Variants in CDPF1 observed in about 807,000 individuals in gnomAD.
CDPF1 encodes the protein cysteine rich DPF motif domain containing 1.
Under a neutral mutation model 8.3 loss-of-function variants are expected in CDPF1, and 8 were observed. That is an observed-to-expected ratio of 0.96 (90% CI 0.57 to 1.74). The LOEUF is 1.74. CDPF1 is among the 40% of genes most tolerant of loss of function. The pLI, the probability that CDPF1 is intolerant of heterozygous loss-of-function variation, is 0.00. For missense variants in CDPF1, 151 were observed against 155.3 expected, an observed-to-expected ratio of 0.97 and a Z score of 0.15; for synonymous variants, 62 against 62.9, an observed-to-expected ratio of 0.99 and a Z score of 0.07.
Position 46,247,710 on chromosome 22 carries a change from A to C in CDPF1, c.113+462T>G, listed in dbSNP as rs1276938970. 6.6e-6 allele frequency among the ~76,000 whole-genome samples: 1 copy of C among 152,226 alleles called. No individual in the cohort carries two copies. Among genetic ancestry groups the C allele is most frequent in the Non-Finnish European group, 1.5e-5 (1 of 68,038 alleles). On this transcript the variant is annotated intron_variant, in intron 2 of 3. Coordinates refer to ENST00000314567, the MANE Select transcript of CDPF1 (RefSeq NM_207327.5). This position sits in a 1 kb window ranked among gnomAD's most constrained non-coding sequence, Gnocchi z 4.3. The stretch of plus-strand genomic sequence containing the variant: ...AGAGGGACGACAGCCAGAAGGAAAA[A>C]GCCATGCCCCTGCCACTGCATCCCA...
chr22:46,246,608 C>G lies in CDPF1; in HGVS notation c.225+502G>C. The G allele has an allele frequency of 1.3e-6, 2 of 1,523,454 alleles. No individual in the cohort carries two copies. Among genetic ancestry groups the G allele is most frequent in the Non-Finnish European group, 1.8e-6 (2 of 1,131,452 alleles). The allele number at this position is 1,523,454 out of a possible 1,614,324, so 94.4% of individuals were successfully genotyped here. On this transcript the variant is annotated intron_variant, in intron 3 of 3. Transcript: ENST00000314567. This position sits in a 1 kb window ranked among gnomAD's most constrained non-coding sequence, Gnocchi z 7.1. Reference sequence around the variant, plus strand: ...TACAGCTACCCAGGTGAACCTGGCCCACCCAGCCTCTCTGAAGCTCAGTTC... The same window carrying G: ...TACAGCTACCCAGGTGAACCTGGCCGACCCAGCCTCTCTGAAGCTCAGTTC...
rs1601847157 is a variant in CDPF1 at position 46,247,032 on chromosome 22, C to T, written c.225+78G>A. On this transcript the variant is annotated intron_variant, in intron 3 of 3. Coordinates refer to ENST00000314567, the MANE Select transcript of CDPF1 (RefSeq NM_207327.5). The surrounding 1 kb of genome is among the most constrained non-coding windows in gnomAD (Gnocchi z 4.3). ...GGGTGAACCCGCTGCTCCCTCTCTCCCAGCCCTCCCTACCCAGGGAGAGCT... is the reference window on the plus strand; with the variant it reads ...GGGTGAACCCGCTGCTCCCTCTCTCTCAGCCCTCCCTACCCAGGGAGAGCT... 5 of 1,355,194 alleles carry T rather than the reference C, an allele frequency of 3.7e-6. No individual in the cohort carries two copies. The highest frequency in any genetic ancestry group is 3.9e-5 in the Admixed American group (2 of 51,610). 83.9% of individuals were successfully genotyped at this position (1,355,194 alleles called of 1,614,324 possible).
Position 46,247,631 on chromosome 22 carries a change from C to T in CDPF1, c.114-410G>A, listed in dbSNP as rs1936511719. On this transcript the variant is annotated intron_variant, in intron 2 of 3. Coordinates refer to ENST00000314567, the MANE Select transcript of CDPF1 (RefSeq NM_207327.5). The surrounding 1 kb of genome is among the most constrained non-coding windows in gnomAD (Gnocchi z 4.3). ...CTGGAAGCCAGCTGGCCTCATGCTACACATCAGAATGAGACCCCAGGGTGA... is the reference window on the plus strand; with the variant it reads ...CTGGAAGCCAGCTGGCCTCATGCTATACATCAGAATGAGACCCCAGGGTGA... Among the ~76,000 whole-genome samples the T allele has an allele frequency of 6.6e-6, 1 of 152,180 alleles. No homozygotes were observed. The highest frequency in any genetic ancestry group is 2.1e-4 in the South Asian group (1 of 4,826).
rs55961300 is a variant in CDPF1 at position 46,245,622 on chromosome 22, G to A, written c.226-384C>T. ...ACAGTGGCCACCTGGTGCTGGGAGC[G>A]GCAGGGGACAGGAAGGACAGCCCCA... is the stretch of plus-strand genomic sequence containing the variant. On this transcript the variant is annotated intron_variant, in intron 3 of 3. Transcript: ENST00000314567. This position sits in a 1 kb window ranked among gnomAD's most constrained non-coding sequence, Gnocchi z 6.9. 0.088 allele frequency among the ~76,000 whole-genome samples: 13,395 copies of A among 152,254 alleles called. 886 individuals are homozygous for A. Among genetic ancestry groups the A allele is most frequent in the African/African-American group, 0.19 (7,844 of 41,524 alleles).
At position 46,245,764 on chromosome 22, in the gene CDPF1, C is replaced by T. The variant is rs1198836322; in HGVS notation, c.226-526G>A. Among the ~76,000 whole-genome samples the T allele has an allele frequency of 6.6e-6, 1 of 152,252 alleles. No homozygotes were observed. The highest frequency in any genetic ancestry group is 1.5e-5 in the Non-Finnish European group (1 of 68,042). ...AACTCCCGAGATTCATCACGGTGCACAGCACGTGGCTAAGGATGACATTCC... is the reference window on the plus strand; with the variant it reads ...AACTCCCGAGATTCATCACGGTGCATAGCACGTGGCTAAGGATGACATTCC... On this transcript the variant is annotated intron_variant, in intron 3 of 3. Coordinates refer to ENST00000314567, the MANE Select transcript of CDPF1 (RefSeq NM_207327.5). This position sits in a 1 kb window ranked among gnomAD's most constrained non-coding sequence, Gnocchi z 6.9.
Position 46,248,176 on chromosome 22 carries a change from T to G in CDPF1, c.109A>C (p.Met37Leu), listed in dbSNP as rs1378504727. 4 of 1,611,468 alleles carry G rather than the reference T, an allele frequency of 2.5e-6. No homozygotes were observed. Among genetic ancestry groups the G allele is most frequent in the Non-Finnish European group, 3.4e-6 (4 of 1,178,120 alleles). ...VGQKPPNTQS[M>L]VLLEESYVMK... ...GCCCAAAAGGCATGCACTCACACCATCGACTGGGTGTTGGGGGGCTTCTGT... is the reference window on the plus strand; with the variant it reads ...GCCCAAAAGGCATGCACTCACACCAGCGACTGGGTGTTGGGGGGCTTCTGT... The change falls in exon 2 of 4, where the codon ATG (methionine) becomes CTG (leucine). Residue 37 changes from methionine (M) to leucine (L), a missense_variant. Coordinates refer to ENST00000314567, the MANE Select transcript of CDPF1 (RefSeq NM_207327.5). This position sits in a 1 kb window ranked among gnomAD's most constrained non-coding sequence, Gnocchi z 4.1.
Position 46,244,858 on chromosome 22 carries a change from G to A in CDPF1, c.*234C>T, listed in dbSNP as rs886491007. ...GAGGGGCATGTGGGGGGACCTGGCC[G>A]GGTTCCTGGCTGTGTCTTGTCTGGC... On this transcript the variant is annotated 3_prime_UTR_variant, in exon 4 of 4. Coordinates refer to ENST00000314567, the MANE Select transcript of CDPF1 (RefSeq NM_207327.5). This position sits in a 1 kb window ranked among gnomAD's most constrained non-coding sequence, Gnocchi z 6.7. 24 of 513,652 alleles carry A rather than the reference G, an allele frequency of 4.7e-5. 1 individual carries two copies. In the Admixed American group the frequency reaches 6.4e-4, roughly 14 times the overall value. 31.8% of individuals were successfully genotyped at this position (513,652 alleles called of 1,614,324 possible).
chr22:46,244,861 T>C lies in CDPF1; in HGVS notation c.*231A>G. On this transcript the variant is annotated 3_prime_UTR_variant, in exon 4 of 4. Transcript: ENST00000314567. This position sits in a 1 kb window ranked among gnomAD's most constrained non-coding sequence, Gnocchi z 6.7. Reference sequence around the variant, plus strand: ...GGGCATGTGGGGGGACCTGGCCGGGTTCCTGGCTGTGTCTTGTCTGGCATC... The same window carrying C: ...GGGCATGTGGGGGGACCTGGCCGGGCTCCTGGCTGTGTCTTGTCTGGCATC... The C allele has an allele frequency of 1.9e-6, 1 of 523,280 alleles. No homozygotes were observed. Among genetic ancestry groups the C allele is most frequent in the Non-Finnish European group, 3.4e-6 (1 of 291,856 alleles). 32.4% of individuals were successfully genotyped at this position (523,280 alleles called of 1,614,324 possible). A position where few individuals can be genotyped will look rare whatever the true frequency, so the allele number is the denominator to read the frequency against.
chr22:46,247,090 A>G lies in CDPF1; in HGVS notation c.225+20T>C. Reference sequence around the variant, plus strand: ...AACCACAGCAAGGACAGGTGGCCCCAGCCCACGCTGCTTACCCACCGGGCC... The same window carrying G: ...AACCACAGCAAGGACAGGTGGCCCCGGCCCACGCTGCTTACCCACCGGGCC... On this transcript the variant is annotated intron_variant, in intron 3 of 3. Transcript: ENST00000314567. This position sits in a 1 kb window ranked among gnomAD's most constrained non-coding sequence, Gnocchi z 4.3. 1 of 1,590,196 alleles carries G rather than the reference A, an allele frequency of 6.3e-7. No individual in the cohort carries two copies.
At position 46,245,371 on chromosome 22, in the gene CDPF1, G is replaced by A; in HGVS notation, c.226-133C>T. 1.1e-6 allele frequency: 1 copy of A among 881,436 alleles called. No individual in the cohort carries two copies. Among genetic ancestry groups the A allele is most frequent in the Non-Finnish European group, 1.7e-6 (1 of 585,196 alleles). 54.6% of individuals were successfully genotyped at this position (881,436 alleles called of 1,614,324 possible). A position where few individuals can be genotyped will look rare whatever the true frequency, so the allele number is the denominator to read the frequency against. On this transcript the variant is annotated intron_variant, in intron 3 of 3. Coordinates refer to ENST00000314567, the MANE Select transcript of CDPF1 (RefSeq NM_207327.5). This position sits in a 1 kb window ranked among gnomAD's most constrained non-coding sequence, Gnocchi z 6.9. ...CATGCACAGTGTGGGCAGGTGGCCA[G>A]AGCTAGACCAGCAAGAGGGAGAGCC... is the stretch of plus-strand genomic sequence containing the variant.
rs1936491933 is a variant in CDPF1 at position 46,246,525 on chromosome 22, G to A, written c.225+585C>T. ...ACTTCTCAGACTCTGGGGTCACTCTGAGTACACTGGGCACGCTGTGAAAGC... is the reference window on the plus strand; with the variant it reads ...ACTTCTCAGACTCTGGGGTCACTCTAAGTACACTGGGCACGCTGTGAAAGC... On this transcript the variant is annotated intron_variant, in intron 3 of 3. Coordinates refer to ENST00000314567, the MANE Select transcript of CDPF1 (RefSeq NM_207327.5). The surrounding 1 kb of genome is among the most constrained non-coding windows in gnomAD (Gnocchi z 7.1). 1.0e-6 allele frequency: 1 copy of A among 958,508 alleles called. No homozygotes were observed. 59.4% of individuals were successfully genotyped at this position (958,508 alleles called of 1,614,324 possible).
rs1007260269 is a variant in CDPF1, at chr22:46,246,650, G to A, written c.225+460C>T. 2 of 1,551,484 alleles carry A rather than the reference G, an allele frequency of 1.3e-6. No homozygotes were observed. The highest frequency in any genetic ancestry group is 1.7e-6 in the Non-Finnish European group (2 of 1,148,020). On this transcript the variant is annotated intron_variant, in intron 3 of 3. Transcript: ENST00000314567. The surrounding 1 kb of genome is among the most constrained non-coding windows in gnomAD (Gnocchi z 7.1). ...GCTCAGTTCCCTCATCTATAAAATG[G>A]GTGGAATATAATACTGCTTTACCTG...
At position 46,246,342 on chromosome 22, in the gene CDPF1, T is replaced by G. The variant is rs1309393118; in HGVS notation, c.225+768A>C. Among the ~76,000 whole-genome samples the G allele has an allele frequency of 6.7e-6, 1 of 150,312 alleles. No homozygotes were observed. The highest frequency in any genetic ancestry group is 2.0e-4 in the East Asian group (1 of 5,028). ...ACCTGGCCCACCCACCTTTGCAGTC[T>G]TCCTTTCCCAGCTTCTCCTGGACCA... On this transcript the variant is annotated intron_variant, in intron 3 of 3. Coordinates refer to ENST00000314567, the MANE Select transcript of CDPF1 (RefSeq NM_207327.5). This position sits in a 1 kb window ranked among gnomAD's most constrained non-coding sequence, Gnocchi z 7.1.
rs1440405528 is a variant in CDPF1, at chr22:46,248,217, G to A, written c.68C>T (p.Pro23Leu). 8 of 1,613,768 alleles carry A rather than the reference G, an allele frequency of 5.0e-6. No homozygotes were observed. The highest frequency in any genetic ancestry group is 2.2e-5 in the South Asian group (2 of 91,012). ...GGGCTTCTGTCCCACATAGCTGTAC[G>A]GAGCTGTCAAGGTACAGAGTTCACA... Reference protein sequence around the residue: ...FECELCTLTAPYSYVGQKPPN... With the variant: ...FECELCTLTALYSYVGQKPPN... Residue 23 changes from proline to leucine, a missense_variant, in exon 2 of 4, where the codon CCG (proline) becomes CTG (leucine). Pro to Leu is a moderately conservative substitution (Grantham distance 98). Coordinates refer to ENST00000314567, the MANE Select transcript of CDPF1 (RefSeq NM_207327.5). This position sits in a 1 kb window ranked among gnomAD's most constrained non-coding sequence, Gnocchi z 4.1.
rs1936454391 is a variant in CDPF1 at position 46,244,483 on chromosome 22, A to G, written c.*609T>C. On this transcript the variant is annotated 3_prime_UTR_variant, in exon 4 of 4. Coordinates refer to ENST00000314567, the MANE Select transcript of CDPF1 (RefSeq NM_207327.5). This position sits in a 1 kb window ranked among gnomAD's most constrained non-coding sequence, Gnocchi z 6.7. ...TGTCCAGGGAGAACGTCGGGTATCCAAATGTTTCAGTGGAAGATTCCTTTT... is the reference window on the plus strand; with the variant it reads ...TGTCCAGGGAGAACGTCGGGTATCCGAATGTTTCAGTGGAAGATTCCTTTT... The G allele has an allele frequency of 6.6e-6, 1 of 152,286 alleles. No individual in the cohort carries two copies. Among genetic ancestry groups the G allele is most frequent in the African/African-American group, 2.4e-5 (1 of 41,452 alleles). The allele number at this position is 152,286 out of a possible 1,614,324, so 9.4% of individuals were successfully genotyped here.
chr22:46,247,670 A>G lies in CDPF1; in HGVS notation c.114-449T>C, dbSNP rs965561284. 2.6e-5 allele frequency among the ~76,000 whole-genome samples: 4 copies of G among 152,168 alleles called. No homozygotes were observed. Among genetic ancestry groups the G allele is most frequent in the Non-Finnish European group, 5.9e-5 (4 of 68,026 alleles). The stretch of plus-strand genomic sequence containing the variant: ...ACCCCAGGGTGACATGATGACACTC[A>G]GGCTCCTGGTCAGCAGAGGGACGAC... On this transcript the variant is annotated intron_variant, in intron 2 of 3. Coordinates refer to ENST00000314567, the MANE Select transcript of CDPF1 (RefSeq NM_207327.5). This position sits in a 1 kb window ranked among gnomAD's most constrained non-coding sequence, Gnocchi z 4.3.
chr22:46,248,286 T>G lies in CDPF1; in HGVS notation c.1-2A>C. The G allele has an allele frequency of 6.2e-7, 1 of 1,600,476 alleles. No individual in the cohort carries two copies. The highest frequency in any genetic ancestry group is 8.6e-7 in the Non-Finnish European group (1 of 1,169,212). On this transcript the variant is annotated splice_acceptor_variant, in intron 1 of 3. Coordinates refer to ENST00000314567, the MANE Select transcript of CDPF1 (RefSeq NM_207327.5). LOFTEE classifies it low-confidence loss of function (5UTR_SPLICE). This position sits in a 1 kb window ranked among gnomAD's most constrained non-coding sequence, Gnocchi z 4.1. ...ACGGCACTCTACATGGGACGCCATC[T>G]GCAAGATCAAGAGATGGGGTGTCCC... is the stretch of plus-strand genomic sequence containing the variant.
Position 46,247,168 on chromosome 22 carries a change from C to T in CDPF1, c.167G>A (p.Arg56Lys). ...MKDPFTSDKD[R>K]FLVLGSCCSL... ...GCAGCACGAGCCGAGGACCAGGAAT[C>T]TGTCCTTGTCGGAGGTGAAGGGATC... Residue 56 changes from arginine (R) to lysine (K), a missense_variant, in exon 3 of 4, where the codon AGA (arginine) becomes AAA (lysine). Arg to Lys is a conservative substitution (Grantham distance 26). Transcript: ENST00000314567. The surrounding 1 kb of genome is among the most constrained non-coding windows in gnomAD (Gnocchi z 4.3). The T allele has an allele frequency of 5.6e-6, 9 of 1,614,164 alleles. No homozygotes were observed. The highest frequency in any genetic ancestry group is 7.6e-6 in the Non-Finnish European group (9 of 1,180,010).
Position 46,249,662 on chromosome 22 carries a change from T to A in CDPF1, c.-1+594A>T, listed in dbSNP as rs182299047. 8.2e-3 allele frequency among the ~76,000 whole-genome samples: 1,191 copies of A among 144,364 alleles called. 16 individuals carry two copies. Among genetic ancestry groups the A allele is most frequent in the African/African-American group, 0.029 (1,122 of 38,582 alleles). The allele number at this position is 144,364 out of a possible 152,430, so 94.7% of individuals were successfully genotyped here. A position where few individuals can be genotyped will look rare whatever the true frequency, so the allele number is the denominator to read the frequency against. ...AGACTCCTTCTCAAAAAAATAAAAA[T>A]TAAAATTAAATAAAATAAAATATTA... is the stretch of plus-strand genomic sequence containing the variant. On this transcript the variant is annotated intron_variant, in intron 1 of 3. Coordinates refer to ENST00000314567, the MANE Select transcript of CDPF1 (RefSeq NM_207327.5). This position sits in a 1 kb window ranked among gnomAD's most constrained non-coding sequence, Gnocchi z 4.6.
Sources: gnomAD v4.1 joint callset for allele counts (sites outside exome capture counted in the v4.1 genomes callset) on GRCh38, gnomAD v4.1.1 for gene constraint, Gnocchi (gnomAD v3.1) non-coding constraint, MANE v1.5 for transcripts, NCBI Gene and HGNC (gene_info 2026-07-23, HGNC 2026-07-21) for gene names.